Variants in GDPD5 observed in about 807,000 individuals in gnomAD.
GDPD5 encodes glycerophosphodiester phosphodiesterase domain containing 5, also known as glycerophosphodiester phosphodiesterase 2.
In GDPD5, 48 loss-of-function variants were observed where a neutral mutation model predicts 75.1. The observed-to-expected ratio is 0.64, with a 90% CI of 0.51 to 0.81. The LOEUF (loss-of-function observed/expected upper bound fraction) is 0.81. Among genes scored for constraint, GDPD5 ranks in the 40% least tolerant of loss-of-function variants. The pLI, the probability that GDPD5 is intolerant of heterozygous loss-of-function variation, is 0.00. For missense variants in GDPD5, 706 were observed against 822.6 expected (o/e 0.86, Z 1.73); for synonymous variants, 336 against 339.0 (o/e 0.99, Z 0.10).
chr11:75,486,975 G>C (rs1013621046), intron 2 of GDPD5, among the ~76,000 whole-genome samples: 5 of 152,208 alleles, frequency 3.3e-5, no homozygotes, highest in Admixed American at 1.3e-4. Flanking sequence ...AGCTCACCAA[G>C]TGGACCGTTT....
At chr11:75,456,316 C>T (rs562225024) in intron 6 of GDPD5, among the ~76,000 whole-genome samples, 7 of 152,190 alleles carry the variant, frequency 4.6e-5, no homozygotes, top group Admixed American at 3.9e-4. Flanking sequence ...GGAATGCCAT[C>T]GCCAGATCAG....
At chr11:75,463,126 C>G (rs1024242035) in intron 3 of GDPD5, among the ~76,000 whole-genome samples, 6 of 152,236 alleles carry the variant, frequency 3.9e-5, no homozygotes, top group African/African-American at 1.2e-4. Flanking sequence ...GCCTCCCCCC[C>G]TGGGGCTGTG....
intron 9 of GDPD5, among the ~76,000 whole-genome samples, chr11:75,445,558 G>A (rs926462180): frequency 5.9e-5 from 9 of 152,196 alleles, no homozygotes; most frequent in Admixed American, 2.6e-4. Context: ...AGGGATGGTC[G>A]GAGGGAAGGA....
intron 3 of GDPD5, among the ~76,000 whole-genome samples, chr11:75,472,027 G>C (rs1212172777): frequency 6.6e-6 from 1 of 152,210 alleles, no homozygotes; most frequent in Non-Finnish European, 1.5e-5. Context: ...CTGAAGGAGA[G>C]AAAGCCATCA....
At chr11:75,468,548 T>G (rs2135326411) in intron 3 of GDPD5, among the ~76,000 whole-genome samples, 1 of 152,368 alleles carries the variant, frequency 6.6e-6, no homozygotes, top group African/African-American at 2.4e-5. Flanking sequence ...ATTTACCTTC[T>G]CTGTGCCCCA....
chr11:75,517,684 C>T (rs1159002424), intron 1 of GDPD5, among the ~76,000 whole-genome samples: 2 of 152,060 alleles, frequency 1.3e-5, no homozygotes, highest in African/African-American at 2.4e-5. Context: ...TAGTAACTAC[C>T]TTGAAATAAT....
chr11:75,475,340 G>C (rs530264140), intron 3 of GDPD5, among the ~76,000 whole-genome samples: 1 of 152,048 alleles, frequency 6.6e-6, no homozygotes, highest in Non-Finnish European at 1.5e-5. Context: ...CTCACTGGAA[G>C]AGCCGTCTCC....
intron 15 of GDPD5, chr11:75,439,326 C>T (rs1419417073): frequency 2.2e-6 from 1 of 456,232 alleles, no homozygotes; most frequent in Admixed American, 2.3e-5. Flanking sequence ...GGAGGAAGAC[C>T]ACACCAGAAT....
chr11:75,490,281 T>G lies in GDPD5; in HGVS notation c.-105A>C, dbSNP rs1221371937. The stretch of plus-strand genomic sequence containing the variant: ...GCTGTGAGCTGGGCTCCTGGAGGTG[T>G]CTTGTCCACAGAGGCAGTGATATCA... On this transcript the variant is annotated 5_prime_UTR_variant, in exon 2 of 17. Transcript: ENST00000336898. 6.6e-6 allele frequency: 1 copy of G among 152,260 alleles called. No homozygotes were observed. The highest frequency in any genetic ancestry group is 6.5e-5 in the Admixed American group (1 of 15,288). 9.4% of individuals were successfully genotyped at this position (152,260 alleles called of 1,614,324 possible). A position where few individuals can be genotyped will look rare whatever the true frequency, so the allele number is the denominator to read the frequency against.
chr11:75,494,342 C>A (rs1018228328), intron 1 of GDPD5, among the ~76,000 whole-genome samples: 1 of 151,730 alleles, frequency 6.6e-6, no homozygotes, highest in Non-Finnish European at 1.5e-5. Context: ...CTCAGCCTCC[C>A]AAGTGGCTGG....
chr11:75,462,504 C>CT lies in GDPD5; in HGVS notation c.221+281dup, dbSNP rs1349970713. On this transcript the variant is annotated intron_variant, in intron 4 of 16. Coordinates refer to ENST00000336898, the MANE Select transcript of GDPD5 (RefSeq NM_030792.8). ...AGGACTCCCCTCGGGGCATGGATCT[C>CT]TCTGTTTCCTCCTCCTCTTTCTTGC... 4.6e-5 allele frequency among the ~76,000 whole-genome samples: 7 copies of CT among 152,220 alleles called. No individual in the cohort carries two copies. In the East Asian group the frequency reaches 1.3e-3, roughly 29 times the overall value.
chr11:75,477,447 T>C (rs938627974), intron 3 of GDPD5, among the ~76,000 whole-genome samples, 172 bp downstream of exon 3: 1 of 152,238 alleles, frequency 6.6e-6, no homozygotes, highest in Non-Finnish European at 1.5e-5. Context: ...TCCTGGTCAG[T>C]AGATTCAGGA....
intron 1 of GDPD5, among the ~76,000 whole-genome samples, chr11:75,514,186 C>T (rs1028703754): frequency 7.9e-5 from 12 of 152,352 alleles, no homozygotes; most frequent in African/African-American, 2.4e-4. Flanking sequence ...CTTGAATTCT[C>T]GGCCTGCCCT....
intron 1 of GDPD5, among the ~76,000 whole-genome samples, chr11:75,509,336 G>A (rs1335106190): frequency 6.6e-6 from 1 of 152,198 alleles, no homozygotes; most frequent in African/African-American, 2.4e-5. Flanking sequence ...CAGGGCTGCA[G>A]ACACACAGTT....
chr11:75,443,042 G>A (rs770505930), intron 11 of GDPD5, 94 bp downstream of exon 11: 11 of 1,410,516 alleles, frequency 7.8e-6, no homozygotes, highest in African/African-American at 1.4e-5. Context: ...GAGAGTGGGG[G>A]TCTCGAAGCT....
intron 1 of GDPD5, among the ~76,000 whole-genome samples, chr11:75,493,186 C>T (rs1452054255): frequency 6.6e-6 from 1 of 151,180 alleles, no homozygotes; most frequent in Admixed American, 6.6e-5. Flanking sequence ...GAAGACCCAC[C>T]CCCCGAACAC....
intron 1 of GDPD5, among the ~76,000 whole-genome samples, chr11:75,505,526 G>A (rs1489989983): frequency 6.6e-6 from 1 of 152,140 alleles, no homozygotes; most frequent in Non-Finnish European, 1.5e-5. Context: ...AGAATGACCT[G>A]CAATTCCTAG....
intron 16 of GDPD5, among the ~76,000 whole-genome samples, chr11:75,436,719 G>A (rs570578363): frequency 2.8e-4 from 42 of 152,312 alleles, no homozygotes; most frequent in Non-Finnish European, 5.1e-4. Flanking sequence ...GGATGACAGG[G>A]TGGATGACTG....
chr11:75,523,414 A>G (rs1941541449), intron 1 of GDPD5, among the ~76,000 whole-genome samples: 1 of 152,332 alleles, frequency 6.6e-6, no homozygotes, highest in East Asian at 1.9e-4. Flanking sequence ...GCCCTGGGGA[A>G]GTGGTTTTAC....
Sources: allele counts gnomAD v4.1 joint callset (sites outside exome capture counted in the v4.1 genomes callset), GRCh38; gene constraint gnomAD v4.1.1; transcripts MANE v1.5; gene names NCBI Gene and HGNC (gene_info 2026-07-23, HGNC 2026-07-21).